The following DLGAP2 variants were observed in gnomAD, a reference collection of about 807,000 sequenced individuals.
DLGAP2 encodes the protein DLG associated protein 2.
DLGAP2 carries 26 observed loss-of-function variants against 100.3 expected under a neutral mutation model. The observed-to-expected ratio is 0.26, with a 90% confidence interval of 0.19 to 0.36. DLGAP2 has a LOEUF of 0.36. Among genes scored for constraint, DLGAP2 ranks in the 10% least tolerant of loss-of-function variants. The pLI, the probability that DLGAP2 is intolerant of heterozygous loss-of-function variation, is 1.00. For synonymous variants in DLGAP2, 886 were observed against 630.1 expected (o/e 1.41, Z -6.08); for missense variants, 1,858 against 1,453.2 (o/e 1.28, Z -4.53).
intron 3 of DLGAP2, among the ~76,000 whole-genome samples, chr8:1,481,027 C>T (rs1274978384): frequency 6.6e-6 from 1 of 151,964 alleles, no homozygotes; most frequent in African/African-American, 2.4e-5. Context: ...AAAAAATTAG[C>T]TGGGCGTGGT....
At chr8:1,487,375 A>T (rs1189437091) in intron 3 of DLGAP2, among the ~76,000 whole-genome samples, 1 of 152,200 alleles carries the variant, frequency 6.6e-6, no homozygotes, top group Non-Finnish European at 1.5e-5. Context: ...AAAACAACCA[A>T]CCACAAATCA....
chr8:1,526,814 A>C (rs1800810315), intron 4 of DLGAP2, among the ~76,000 whole-genome samples: 1 of 152,116 alleles, frequency 6.6e-6, no homozygotes, highest in South Asian at 2.1e-4. Flanking sequence ...AGACTCCCCT[A>C]CGTGACTTCC....
chr8:1,146,972 C>A (rs1796620038), intron 2 of DLGAP2, among the ~76,000 whole-genome samples: 2 of 152,292 alleles, frequency 1.3e-5, no homozygotes, highest in Admixed American at 6.5e-5. Context: ...GCTTTATGTT[C>A]CAACCCTGCA....
At chr8:752,950 T>C (rs901520770) in intron 1 of DLGAP2, among the ~76,000 whole-genome samples, 1 of 152,202 alleles carries the variant, frequency 6.6e-6, no homozygotes, top group Non-Finnish European at 1.5e-5. Context: ...TCCCAATTAT[T>C]ATCATGTGAA....
At chr8:1,445,586 A>G (rs372811561) in intron 3 of DLGAP2, among the ~76,000 whole-genome samples, 7 of 152,114 alleles carry the variant, frequency 4.6e-5, no homozygotes, top group African/African-American at 2.4e-5. Flanking sequence ...ATGATTTATA[A>G]TCCCTTGGGT....
intron 1 of DLGAP2, among the ~76,000 whole-genome samples, chr8:747,722 T>C (rs1219131744): frequency 3.3e-5 from 2 of 60,786 alleles, no homozygotes; most frequent in African/African-American, 6.6e-5. Flanking sequence ...AATGAACGTG[T>C]CTGCGGTGGG....
At chr8:776,267 G>A (rs1269792604) in intron 1 of DLGAP2, among the ~76,000 whole-genome samples, 1 of 152,026 alleles carries the variant, frequency 6.6e-6, no homozygotes, top group African/African-American at 2.4e-5. Flanking sequence ...CTTGCTAGCG[G>A]TCTATCAATT....
At chr8:959,951 AAGAT>A in intron 2 of DLGAP2, among the ~76,000 whole-genome samples, 1 of 152,314 alleles carries the variant, frequency 6.6e-6, no homozygotes, top group African/African-American at 2.4e-5. Context: ...ATACTGAAAA[AAGAT>A]AGTTATGCTA....
chr8:1,149,855 C>T (rs1585103916), intron 2 of DLGAP2, among the ~76,000 whole-genome samples: 3 of 152,328 alleles, frequency 2.0e-5, no homozygotes, highest in South Asian at 4.1e-4. Flanking sequence ...ACAGTCATCT[C>T]TAGGTTATTA....
At chr8:1,341,913 C>G (rs947808658) in intron 3 of DLGAP2, among the ~76,000 whole-genome samples, 1 of 151,984 alleles carries the variant, frequency 6.6e-6, no homozygotes. Context: ...CAATTGAGGT[C>G]TGAGGTTTTG....
intron 3 of DLGAP2, among the ~76,000 whole-genome samples, chr8:1,417,938 C>T (rs1344812536): frequency 6.6e-6 from 1 of 152,106 alleles, no homozygotes; most frequent in Non-Finnish European, 1.5e-5. Flanking sequence ...AAAATAGCTA[C>T]CACTGACATT....
chr8:1,505,891 A>G (rs573847326), intron 4 of DLGAP2, among the ~76,000 whole-genome samples: 4 of 152,336 alleles, frequency 2.6e-5, no homozygotes, highest in African/African-American at 9.6e-5. Flanking sequence ...GAAGAGTGCT[A>G]TATTGACCCA....
chr8:1,341,717 T>TGCCC (rs1321375561), intron 3 of DLGAP2, among the ~76,000 whole-genome samples: 1 of 152,218 alleles, frequency 6.6e-6, no homozygotes, highest in Non-Finnish European at 1.5e-5. Context: ...CTCCCATCAC[T>TGCCC]GCCCGCCCTT....
intron 1 of DLGAP2, among the ~76,000 whole-genome samples, chr8:781,853 T>G (rs553838067): frequency 6.6e-6 from 1 of 152,300 alleles, no homozygotes; most frequent in African/African-American, 2.4e-5. Flanking sequence ...TGCTATAATT[T>G]TTTGTTTCTT....
intron 3 of DLGAP2, among the ~76,000 whole-genome samples, chr8:1,459,684 C>CTTTTTTTTTTT (rs3052056): frequency 3.3e-5 from 4 of 120,824 alleles, no homozygotes; most frequent in African/African-American, 9.5e-5. Context: ...CTGTTGTTTT[C>CTTTTTTTTTTT]TTTTTTTTTT....
intron 3 of DLGAP2, among the ~76,000 whole-genome samples, chr8:1,367,460 A>G (rs373035785): frequency 1.3e-5 from 2 of 152,360 alleles, no homozygotes; most frequent in African/African-American, 4.8e-5. Flanking sequence ...AGCCTCATTC[A>G]TAACTCCCAA....
intron 3 of DLGAP2, among the ~76,000 whole-genome samples, chr8:1,291,159 C>T (rs778323457): frequency 6.6e-6 from 1 of 152,078 alleles, no homozygotes. Context: ...TGGAAATGGA[C>T]CTCACGTCTC....
intron 12 of DLGAP2, among the ~76,000 whole-genome samples, chr8:1,683,954 G>GTATGTATATATATATA (rs1554430844): frequency 2.1e-4 from 16 of 74,754 alleles, no homozygotes; most frequent in Non-Finnish European, 3.5e-4. Context: ...ATATATGTGT[G>GTATGTATATATATATA]TATATATATA....
chr8:1,429,944 G>A lies in DLGAP2; in HGVS notation c.107-71422G>A, dbSNP rs1210463714. On this transcript the variant is annotated intron_variant, in intron 3 of 14. Coordinates refer to ENST00000637795, the MANE Select transcript of DLGAP2 (RefSeq NM_001346810.2). ...TACACGGCCTTCTGCTTAATTTTCA[G>A]ATATGCACCTGAAAATATCATCCTG... Among the ~76,000 whole-genome samples the A allele has an allele frequency of 3.0e-5, 4 of 135,170 alleles. 1 individual carries two copies. The highest frequency in any genetic ancestry group is 8.0e-5 in the African/African-American group (3 of 37,492). 88.7% of individuals were successfully genotyped at this position (135,170 alleles called of 152,430 possible).
Sources: allele counts gnomAD v4.1 joint callset (sites outside exome capture counted in the v4.1 genomes callset), GRCh38; gene constraint gnomAD v4.1.1; transcripts MANE v1.5; gene names NCBI Gene and HGNC (gene_info 2026-07-23, HGNC 2026-07-21).